DST: variants seen among roughly 807,000 people sequenced by gnomAD.
DST encodes the protein dystonin.
In DST, 253 loss-of-function variants were observed where a neutral mutation model predicts 875.2. The ratio of observed to expected loss-of-function variants is 0.29; its 90% CI spans 0.26 to 0.32. DST has a LOEUF of 0.32. Among genes scored for constraint, DST ranks in the 10% least tolerant of loss-of-function variants. The pLI is 1.00. For missense variants in DST, 8,287 were observed against 9,111.6 expected, an observed-to-expected ratio of 0.91 and a Z score of 3.68; for synonymous variants, 3,124 against 3,197.1, an observed-to-expected ratio of 0.98 and a Z score of 0.77.
chr6:56,715,517 AC>A (rs1563829342), intron 5 of DST, among the ~76,000 whole-genome samples: 1 of 152,158 alleles, frequency 6.6e-6, no homozygotes, highest in Admixed American at 6.5e-5. Context: ...CCCACTCCTC[AC>A]CAAGCGCAAA....
intron 88 of DST, chr6:56,484,428 T>C (rs2095497466): frequency 6.6e-6 from 1 of 152,082 alleles, no homozygotes; most frequent in Non-Finnish European, 1.5e-5. Context: ...GAAAAATAAA[T>C]ATGTAATAAG....
chr6:56,887,508 A>G (rs1785162299), intron 3 of DST, among the ~76,000 whole-genome samples: 2 of 152,228 alleles, frequency 1.3e-5, no homozygotes, highest in African/African-American at 4.8e-5. Flanking sequence ...GTGAAATAAT[A>G]AACTAGACCA....
At chr6:56,820,181 T>G (rs978474791) in intron 4 of DST, among the ~76,000 whole-genome samples, 2 of 152,238 alleles carry the variant, frequency 1.3e-5, no homozygotes, top group African/African-American at 4.8e-5. Context: ...GTGATTCAAC[T>G]ATAGCAACTG....
intron 87 of DST, 109 bp from the exon 88 acceptor site, chr6:56,485,580 A>G: frequency 9.6e-7 from 1 of 1,041,034 alleles, no homozygotes; most frequent in Non-Finnish European, 1.4e-6. Context: ...GGGGAAGAGC[A>G]GTATGTTGGT....
intron 4 of DST, among the ~76,000 whole-genome samples, chr6:56,790,355 G>A (rs1326617950): frequency 6.6e-6 from 1 of 152,166 alleles, no homozygotes; most frequent in Non-Finnish European, 1.5e-5. Context: ...GTTTGAATGA[G>A]CCAAGCCAAA....
Position 56,628,014 on chromosome 6 carries a change from C to T in DST, c.4623G>A (p.Gln1541=). Reference sequence around the variant, plus strand: ...TTTTACATACCTTCTGTTGATTCAACTGTGTGGCTAGGGTTTTACTATTTT... The same window carrying T: ...TTTTACATACCTTCTGTTGATTCAATTGTGTGGCTAGGGTTTTACTATTTT... The part of the protein sequence containing the change: ...QPENSKTLAT[Q]LNQQKMLVSE... Residue 1541 remains glutamine, a synonymous_variant, in exon 33 of 104, where the codon CAG becomes CAA. Transcript: ENST00000680361. The T allele has an allele frequency of 6.2e-7, 1 of 1,613,822 alleles. No homozygotes were observed. The highest frequency in any genetic ancestry group is 8.5e-7 in the Non-Finnish European group (1 of 1,179,770).
At chr6:56,817,205 CAT>C (rs1002795615) in intron 4 of DST, among the ~76,000 whole-genome samples, 1 of 152,092 alleles carries the variant, frequency 6.6e-6, no homozygotes, top group Non-Finnish European at 1.5e-5. Flanking sequence ...TTCACTCTGG[CAT>C]CTCCCTTTCT....
At chr6:56,801,779 T>C (rs1014895362) in intron 4 of DST, among the ~76,000 whole-genome samples, 1 of 150,482 alleles carries the variant, frequency 6.6e-6, no homozygotes, top group African/African-American at 2.5e-5. Context: ...AGATGGAGTC[T>C]TGCTCTGTCA....
At chr6:56,763,748 G>A (rs528505232) in intron 4 of DST, among the ~76,000 whole-genome samples, 8 of 148,704 alleles carry the variant, frequency 5.4e-5, no homozygotes, top group African/African-American at 1.7e-4. Context: ...TGGGGGTGGG[G>A]GGGAGAAAAC....
chr6:56,876,746 C>T (rs185822094), intron 3 of DST, among the ~76,000 whole-genome samples: 101 of 152,344 alleles, frequency 6.6e-4, no homozygotes, highest in African/African-American at 2.3e-3. Context: ...GGGTTCTCAG[C>T]ACTGTTTTTC....
chr6:56,528,802 T>C (rs754520677), intron 67 of DST, 39 bp downstream of exon 67: 2 of 1,330,160 alleles, frequency 1.5e-6, no homozygotes, highest in East Asian at 4.9e-5. Flanking sequence ...CAATATAAAA[T>C]GCTGACCACA....
At chr6:56,520,534 C>T (rs2096676239) in intron 69 of DST, among the ~76,000 whole-genome samples, 1 of 151,996 alleles carries the variant, frequency 6.6e-6, no homozygotes, top group African/African-American at 2.4e-5. Flanking sequence ...GATGTTACCA[C>T]TGGGGAAAAC....
In DST at chr6:56,629,235, A is replaced by T. The variant is rs74475324; in HGVS notation, c.4475+15T>A. On this transcript the variant is annotated intron_variant, in intron 32 of 103. Transcript: ENST00000680361. ...ATTAAATCTGTGCTAAAACTGAACAAAAAAGGATACTAACCTGTTGTCAAT... is the reference window on the plus strand; with the variant it reads ...ATTAAATCTGTGCTAAAACTGAACATAAAAGGATACTAACCTGTTGTCAAT... 1.2e-3 allele frequency: 1,933 copies of T among 1,613,382 alleles called. 20 individuals are homozygous for T. The African/African-American group carries it at 0.023, about 19-fold the overall frequency.
At position 56,698,498 on chromosome 6, in the gene DST, T is replaced by C. The variant is rs191586209; in HGVS notation, c.1047+1155A>G. On this transcript the variant is annotated intron_variant, in intron 9 of 103. Transcript: ENST00000680361. Reference sequence around the variant, plus strand: ...ATGCCACCACACCTGGCTAATTTTTTGTATTTCTTAGTAGAGACGGGGTTT... The same window carrying C: ...ATGCCACCACACCTGGCTAATTTTTCGTATTTCTTAGTAGAGACGGGGTTT... 3.3e-3 allele frequency among the ~76,000 whole-genome samples: 495 copies of C among 152,220 alleles called. 2 individuals are homozygous for C. The Middle Eastern group carries it at 0.037, about 12-fold the overall frequency.
chr6:56,619,586 A>T (rs749389393), intron 36 of DST: 11 of 1,613,894 alleles, frequency 6.8e-6, no homozygotes, highest in Middle Eastern at 1.6e-4. Flanking sequence ...TTCTCTTTGT[A>T]GTTTCCCTTT....
chr6:56,511,493 T>A, intron 72 of DST, 93 bp from the exon 73 acceptor site: 1 of 1,060,912 alleles, frequency 9.4e-7, no homozygotes, highest in South Asian at 1.5e-5. Context: ...GGCAAGAAAC[T>A]CCAAACAAAC....
chr6:56,754,152 T>C (rs570003798), intron 4 of DST, among the ~76,000 whole-genome samples: 1 of 152,334 alleles, frequency 6.6e-6, no homozygotes, highest in Admixed American at 6.5e-5. Flanking sequence ...TAGTGATAGA[T>C]GCCATTCCAA....
intron 13 of DST, among the ~76,000 whole-genome samples, chr6:56,648,118 G>C (rs1354531872): frequency 6.6e-6 from 1 of 152,170 alleles, no homozygotes; most frequent in African/African-American, 2.4e-5. Context: ...AATTCATGGT[G>C]AAATACTGTG....
At chr6:56,921,019 C>T (rs1311534748) in intron 2 of DST, among the ~76,000 whole-genome samples, 8 of 147,154 alleles carry the variant, frequency 5.4e-5, no homozygotes, top group Non-Finnish European at 1.2e-4. Flanking sequence ...GCTGGGATTA[C>T]AGGCATGAGC....
Sources: gnomAD v4.1 joint callset for allele counts (sites outside exome capture counted in the v4.1 genomes callset) on GRCh38, gnomAD v4.1.1 for gene constraint, MANE v1.5 for transcripts, NCBI Gene and HGNC (gene_info 2026-07-23, HGNC 2026-07-21) for gene names.